The following INPP5J variants were observed in gnomAD, a reference collection of about 807,000 sequenced individuals.
INPP5J encodes phosphatidylinositol 4,5-bisphosphate 5-phosphatase A.
Under a neutral mutation model 86.6 loss-of-function variants are expected in INPP5J, and 75 were observed. That is an observed-to-expected ratio of 0.87 (90% confidence interval 0.72 to 1.05). INPP5J has a LOEUF of 1.05. Ranked by LOEUF, INPP5J falls within the 50% of genes least tolerant of loss-of-function variation. The probability of loss-of-function intolerance (pLI) is 0.00; values close to 1 mark genes in which losing one functional copy is unlikely to be tolerated. For synonymous variants in INPP5J, 540 were observed against 550.0 expected (o/e 0.98, Z 0.25); for missense variants, 1,229 against 1,341.2 (o/e 0.92, Z 1.31).
rs755143551 is a variant in INPP5J at position 31,125,445 on chromosome 22, A to G, written c.706A>G (p.Arg236Gly). The G allele has an allele frequency of 1.2e-5, 19 of 1,550,546 alleles. No homozygotes were observed. In the African/African-American group the frequency reaches 1.5e-4, roughly 12 times the overall value. Residue 236 changes from arginine to glycine, a missense_variant, in exon 2 of 13, where the codon AGA becomes GGA. By Grantham distance (125) the Arg-to-Gly change is moderately radical (BLOSUM62 -2). Coordinates refer to ENST00000331075, the MANE Select transcript of INPP5J (RefSeq NM_001284285.2). ...GAASVGQTSA[R>G]KRDAPAPRPL... ...AGCCTCTGTGGGACAGACATCAGCTAGAAAGAGGGATGCCCCAGCCCCTAG... is the reference window on the plus strand; with the variant it reads ...AGCCTCTGTGGGACAGACATCAGCTGGAAAGAGGGATGCCCCAGCCCCTAG...
At position 31,126,699 on chromosome 22, in the gene INPP5J, T is replaced by C; in HGVS notation, c.1472T>C (p.Leu491Pro). The C allele has an allele frequency of 6.2e-7, 1 of 1,613,760 alleles. No individual in the cohort carries two copies. Among genetic ancestry groups the C allele is most frequent in the Non-Finnish European group, 8.5e-7 (1 of 1,179,696 alleles). The change falls in exon 4 of 13, where the codon CTA (leucine) becomes CCA (proline). Residue 491 changes from leucine (L) to proline (P), a missense_variant. Coordinates refer to ENST00000331075, the MANE Select transcript of INPP5J (RefSeq NM_001284285.2). ...TGGAGTGAGCTGTTCATGGATGCGCTAGGGCCCTTCAACTTCGTGCTGGTA... is the reference window on the plus strand; with the variant it reads ...TGGAGTGAGCTGTTCATGGATGCGCCAGGGCCCTTCAACTTCGTGCTGGTA... ...DQWSELFMDA[L>P]GPFNFVLVSS...
At chr22:31,128,372 T>C (rs1191424702) in intron 8 of INPP5J, 49 bp downstream of exon 8, 1 of 1,564,524 alleles carries the variant, frequency 6.4e-7, no homozygotes, top group Non-Finnish European at 8.7e-7. Flanking sequence ...TGAGGTCTTC[T>C]CGAACAGGGA....
At position 31,133,518 on chromosome 22, in the gene INPP5J, C is replaced by T. The variant is rs779021748; in HGVS notation, c.2409+35C>T. 4 of 1,605,396 alleles carry T rather than the reference C, an allele frequency of 2.5e-6. No homozygotes were observed. The East Asian group carries it at 8.9e-5, about 36-fold the overall frequency. ...AGGAGTGGGAGAGTCAGGGCAAGTC[C>T]TTGTTGCCTTTGGGACCTCAGAACT... On this transcript the variant is annotated intron_variant, in intron 11 of 12. Transcript: ENST00000331075.
Position 31,125,896 on chromosome 22 carries a change from C to G in INPP5J, c.1157C>G (p.Pro386Arg). ...QSTGPGRCLS[P>R]NLQAQEAPAP... is the part of the protein sequence containing the mutation. ...ACAGGGCCTGGCAGGTGCCTGAGCC[C>G]CAACCTTCAGGCCCAAGAAGCCCCA... Residue 386 changes from proline (P) to arginine (R), a missense_variant, in exon 2 of 13, where the codon CCC becomes CGC. Pro to Arg is a moderately radical substitution (Grantham distance 103, BLOSUM62 -2). Coordinates refer to ENST00000331075, the MANE Select transcript of INPP5J (RefSeq NM_001284285.2). The G allele has an allele frequency of 1.2e-6, 2 of 1,611,694 alleles. No individual in the cohort carries two copies. The highest frequency in any genetic ancestry group is 8.5e-7 in the Non-Finnish European group (1 of 1,178,402).
intron 9 of INPP5J, among the ~76,000 whole-genome samples, chr22:31,131,706 A>G (rs1922081081): frequency 6.6e-6 from 1 of 152,192 alleles, no homozygotes; most frequent in East Asian, 1.9e-4. Flanking sequence ...AGGGAAACTG[A>G]GGCTCAGAGA....
intron 1 of INPP5J, 122 bp from the exon 2 acceptor site, chr22:31,124,719 TAGGA>T: frequency 1.3e-6 from 1 of 793,878 alleles, no homozygotes; most frequent in Non-Finnish European, 2.0e-6. Flanking sequence ...AGTGAGATAG[TAGGA>T]AGAACTTCCT....
chr22:31,125,961 T>C lies in INPP5J; in HGVS notation c.1222T>C (p.Ser408Pro). Residue 408 changes from serine (S) to proline (P), a missense_variant, in exon 2 of 13, where the codon TCC becomes CCC. Ser to Pro is a moderately conservative substitution (Grantham distance 74). Coordinates refer to ENST00000331075, the MANE Select transcript of INPP5J (RefSeq NM_001284285.2). ...TTSSSTSTLS[S>P]SPWSAQPTWK... ...CTCCTCTTCTACATCCACCCTGTCA[T>C]CCTCCCCTTGGTCAGCTCAGCCTAC... is the stretch of plus-strand genomic sequence containing the variant. 1.9e-6 allele frequency: 3 copies of C among 1,606,776 alleles called. No homozygotes were observed. The highest frequency in any genetic ancestry group is 2.6e-6 in the Non-Finnish European group (3 of 1,174,858).
intron 6 of INPP5J, 130 bp downstream of exon 6, chr22:31,127,662 GGAACAC>G: frequency 1.0e-6 from 1 of 964,746 alleles, no homozygotes; most frequent in Non-Finnish European, 1.5e-6. Context: ...ACTAGTTGTA[GGAACAC>G]GAAAGCAGAG....
chr22:31,128,366 G>T, intron 8 of INPP5J, 43 bp downstream of exon 8: 1 of 1,563,910 alleles, frequency 6.4e-7, no homozygotes. Context: ...GTGGGCTGAG[G>T]TCTTCTCGAA....
intron 9 of INPP5J, among the ~76,000 whole-genome samples, chr22:31,130,007 A>T (rs1287759636): frequency 6.6e-6 from 1 of 152,076 alleles, no homozygotes; most frequent in Non-Finnish European, 1.5e-5. Context: ...CAGGAGTTTA[A>T]GACCGGCCTG....
At position 31,125,479 on chromosome 22, in the gene INPP5J, C is replaced by G. The variant is rs1921287025; in HGVS notation, c.740C>G (p.Pro247Arg). The G allele has an allele frequency of 6.4e-7, 1 of 1,550,506 alleles. No individual in the cohort carries two copies. Residue 247 changes from proline to arginine, a missense_variant, in exon 2 of 13, where the codon CCT becomes CGT. Coordinates refer to ENST00000331075, the MANE Select transcript of INPP5J (RefSeq NM_001284285.2). ...GATGCCCCAGCCCCTAGACCTCTCC[C>G]TGCTTCTGAGGGGCATCTCCAGCCT... is the stretch of plus-strand genomic sequence containing the variant. ...KRDAPAPRPL[P>R]ASEGHLQPPA...
Position 31,124,961 on chromosome 22 carries a change from A to T in INPP5J, c.222A>T (p.Gly74=). The T allele has an allele frequency of 1.9e-6, 3 of 1,607,266 alleles. No homozygotes were observed. The highest frequency in any genetic ancestry group is 2.5e-6 in the Non-Finnish European group (3 of 1,176,938). The change falls in exon 2 of 13, where the codon GGA becomes GGT. Residue 74 remains glycine (G), a synonymous_variant. Transcript: ENST00000331075. ...PRAAMSASSE[G]PRLALASPRP... is the part of the protein sequence containing the mutation. The stretch of plus-strand genomic sequence containing the variant: ...CAGCTATGTCAGCTTCCTCGGAAGG[A>T]CCGAGGCTGGCTCTGGCATCTCCCC...
intron 9 of INPP5J, among the ~76,000 whole-genome samples, chr22:31,129,933 C>T (rs1392371383): frequency 2.0e-5 from 3 of 152,112 alleles, no homozygotes; most frequent in Admixed American, 2.0e-4. Context: ...TATAGGCTGG[C>T]GCAGTGGCTC....
rs557118372 is a variant in INPP5J, at chr22:31,133,627, A to T, written c.2427A>T (p.Glu809Asp). 109 of 1,611,780 alleles carry T rather than the reference A, an allele frequency of 6.8e-5. 1 individual carries two copies. The South Asian group carries it at 1.1e-3, about 17-fold the overall frequency. ...GNTYQVTFSE[E>D]SLPKGHGDFI... is the part of the protein sequence containing the mutation. ...CCTACCAGGTAACATTCAGTGAGGA[A>T]TCACTGCCCAAGGGCCATGGAGACT... Residue 809 changes from glutamate to aspartate, a missense_variant, in exon 12 of 13, where the codon GAA becomes GAT. By Grantham distance (45) the Glu-to-Asp change is conservative. Coordinates refer to ENST00000331075, the MANE Select transcript of INPP5J (RefSeq NM_001284285.2).
chr22:31,126,043 G>C (rs1238763040), intron 2 of INPP5J, 33 bp downstream of exon 2: 8 of 1,522,312 alleles, frequency 5.3e-6, no homozygotes, highest in Non-Finnish European at 7.1e-6. Flanking sequence ...AAGGTGGCTG[G>C]GGCTTAGCTC....
intron 9 of INPP5J, among the ~76,000 whole-genome samples, chr22:31,131,818 C>G (rs778241901): frequency 6.6e-6 from 1 of 152,148 alleles, no homozygotes; most frequent in African/African-American, 2.4e-5. Context: ...TACCCTTGCC[C>G]GCCCCTGCTG....
upstream of INPP5J, chr22:31,122,778 G>A: frequency 2.3e-6 from 1 of 441,426 alleles, no homozygotes. Flanking sequence ...TGGGACCTGG[G>A]CCAGGCAGAT....
chr22:31,125,469 A>C lies in INPP5J; in HGVS notation c.730A>C (p.Arg244=), dbSNP rs187873070. The C allele has an allele frequency of 7.2e-5, 111 of 1,549,748 alleles. No individual in the cohort carries two copies. The African/African-American group carries it at 1.4e-3, about 20-fold the overall frequency. ...TAGAAAGAGGGATGCCCCAGCCCCT[A>C]GACCTCTCCCTGCTTCTGAGGGGCA... ...SARKRDAPAP[R]PLPASEGHLQ... Residue 244 remains arginine (R), a synonymous_variant, in exon 2 of 13, where the codon AGA becomes CGA. Transcript: ENST00000331075.
Position 31,133,196 on chromosome 22 carries a change from G to A in INPP5J, c.2292G>A (p.Val764=). The A allele has an allele frequency of 6.2e-7, 1 of 1,601,208 alleles. No homozygotes were observed. Among genetic ancestry groups the A allele is most frequent in the South Asian group, 1.1e-5 (1 of 88,814 alleles). The part of the protein sequence containing the change: ...QAVVRYRMET[V]FARSSWDWIG... ...TGGTGAGGTACCGCATGGAAACAGTGTTCGCCCGCAGCTCCTGGGACTGGA... is the reference window on the plus strand; with the variant it reads ...TGGTGAGGTACCGCATGGAAACAGTATTCGCCCGCAGCTCCTGGGACTGGA... Residue 764 remains valine, a synonymous_variant, in exon 10 of 13, where the codon GTG becomes GTA. Coordinates refer to ENST00000331075, the MANE Select transcript of INPP5J (RefSeq NM_001284285.2).
Sources: allele counts gnomAD v4.1 joint callset (sites outside exome capture counted in the v4.1 genomes callset), GRCh38; gene constraint gnomAD v4.1.1; transcripts MANE v1.5; gene names NCBI Gene and HGNC (gene_info 2026-07-23, HGNC 2026-07-21).